ZNF521: variants seen among roughly 807,000 people sequenced by gnomAD.
ZNF521 encodes LYST-interacting protein 3.
ZNF521 carries 14 observed loss-of-function variants against 105.5 expected under a neutral mutation model. That is an observed-to-expected ratio of 0.13 (90% CI 0.09 to 0.21). ZNF521 has a LOEUF of 0.21. Among genes scored for constraint, ZNF521 ranks in the 10% least tolerant of loss-of-function variants. ZNF521 has a pLI of 1.00. For synonymous variants in ZNF521, 635 were observed against 606.0 expected, an observed-to-expected ratio of 1.05 and a Z score of -0.70; for missense variants, 1,233 against 1,629.7, an observed-to-expected ratio of 0.76 and a Z score of 4.19.
intron 5 of ZNF521, among the ~76,000 whole-genome samples, chr18:25,184,987 G>A (rs956123443): frequency 2.0e-5 from 3 of 152,228 alleles, no homozygotes; most frequent in Admixed American, 1.3e-4. Context: ...CCAGGGGCGG[G>A]AAACAGGCTA....
chr18:25,205,726 T>C (rs992268378), intron 4 of ZNF521, among the ~76,000 whole-genome samples: 1 of 152,178 alleles, frequency 6.6e-6, no homozygotes, highest in Non-Finnish European at 1.5e-5. Flanking sequence ...AATAAAGTAT[T>C]TTAGAATCCA....
At chr18:25,122,364 A>G (rs544837939) in intron 5 of ZNF521, among the ~76,000 whole-genome samples, 2 of 152,338 alleles carry the variant, frequency 1.3e-5, no homozygotes, top group East Asian at 3.9e-4. Context: ...AAATATCTGA[A>G]AAATAGGTAA....
chr18:25,322,268 A>C (rs1404361123), intron 2 of ZNF521, 81 bp from the exon 3 acceptor site: 1 of 1,389,494 alleles, frequency 7.2e-7, no homozygotes, highest in African/African-American at 1.4e-5. Flanking sequence ...GCTACCAAAA[A>C]CAGAAACACC....
At chr18:25,289,785 G>A (rs562973300) in intron 3 of ZNF521, among the ~76,000 whole-genome samples, 3 of 152,188 alleles carry the variant, frequency 2.0e-5, no homozygotes, top group African/African-American at 7.2e-5. Flanking sequence ...AAATTGGGGG[G>A]AAAATTATTT....
At chr18:25,094,838 G>T (rs1450018359) in intron 5 of ZNF521, among the ~76,000 whole-genome samples, 2 of 151,968 alleles carry the variant, frequency 1.3e-5, no homozygotes, top group Non-Finnish European at 2.9e-5. Context: ...AAGGTCAAAT[G>T]TATAATGAGA....
intron 5 of ZNF521, among the ~76,000 whole-genome samples, chr18:25,182,219 G>C (rs188126661): frequency 6.6e-6 from 1 of 152,118 alleles, no homozygotes; most frequent in East Asian, 1.9e-4. Context: ...CAGCAAGCAG[G>C]AGGCAACCCC....
At chr18:25,144,626 C>G (rs529619551) in intron 5 of ZNF521, among the ~76,000 whole-genome samples, 2 of 151,830 alleles carry the variant, frequency 1.3e-5, no homozygotes, top group Non-Finnish European at 2.9e-5. Context: ...AGAACAAACC[C>G]AGGTAAGAAA....
At chr18:25,324,398 CAA>C (rs34574068) in intron 2 of ZNF521, among the ~76,000 whole-genome samples, 2,353 of 116,400 alleles carry the variant, frequency 0.02, 63 homozygotes, top group African/African-American at 0.07. Context: ...GCAACAGATG[CAA>C]AAAAAAAAAA....
At position 25,225,258 on chromosome 18, in the gene ZNF521, C is replaced by T. The variant is rs1255492555; in HGVS notation, c.2660G>A (p.Gly887Asp). ...GTAGGCTGCCCCACAAATGTCGCAG[C>T]CGTACATAGGCTCAGAGGTGTCAAC... ...EDVDTSEPMY[G>D]CDICGAAYTM... is the part of the protein sequence containing the mutation. Residue 887 changes from glycine to aspartate, a missense_variant, in exon 4 of 8, where the codon GGC becomes GAC. Transcript: ENST00000361524. This position sits in a 1 kb window ranked among gnomAD's most constrained non-coding sequence, Gnocchi z 5.6. The T allele has an allele frequency of 1.2e-6, 2 of 1,614,108 alleles. No homozygotes were observed. Among genetic ancestry groups the T allele is most frequent in the Non-Finnish European group, 1.7e-6 (2 of 1,180,018 alleles).
At chr18:25,301,759 G>A (rs1055709706) in intron 3 of ZNF521, among the ~76,000 whole-genome samples, 1 of 152,160 alleles carries the variant, frequency 6.6e-6, no homozygotes, top group East Asian at 1.9e-4. Flanking sequence ...AAGATGGAGT[G>A]GGGGGTAAGG....
intron 2 of ZNF521, among the ~76,000 whole-genome samples, chr18:25,334,369 T>G (rs765034778): frequency 6.6e-6 from 1 of 152,184 alleles, no homozygotes; most frequent in African/African-American, 2.4e-5. Flanking sequence ...GAGTCTTGGC[T>G]TCTTCATTTG....
Position 25,350,968 on chromosome 18 carries a change from T to C in ZNF521, c.-1-21A>G, listed in dbSNP as rs1308581141. 8 of 1,544,234 alleles carry C rather than the reference T, an allele frequency of 5.2e-6. No homozygotes were observed. The East Asian group carries it at 1.0e-4, about 19-fold the overall frequency. ...ACATCCTAAAAGCAAACAGCTGAAGTTGTTTCAATTCAGCCCTGAAAGAAA... is the reference window on the plus strand; with the variant it reads ...ACATCCTAAAAGCAAACAGCTGAAGCTGTTTCAATTCAGCCCTGAAAGAAA... On this transcript the variant is annotated intron_variant, in intron 1 of 7. Transcript: ENST00000361524.
rs553485009 is a variant in ZNF521, at chr18:25,328,555, A to AT, written c.41-6369dup. ...CCTCCTTTATCTTATTTTTTTATTAATTTTTTTTTTTTTTTGAGACGGAGT... is the reference window on the plus strand; with the variant it reads ...CCTCCTTTATCTTATTTTTTTATTAATTTTTTTTTTTTTTTTGAGACGGAGT... On this transcript the variant is annotated intron_variant, in intron 2 of 7. Transcript: ENST00000361524. Among the ~76,000 whole-genome samples, 659 of 140,732 alleles carry AT rather than the reference A, an allele frequency of 4.7e-3. 1 individual carries two copies. The highest frequency in any genetic ancestry group is 9.3e-3 in the South Asian group (41 of 4,400). 92.3% of individuals were successfully genotyped at this position (140,732 alleles called of 152,430 possible).
intron 5 of ZNF521, among the ~76,000 whole-genome samples, chr18:25,139,176 C>T (rs867840275): frequency 2.6e-5 from 4 of 151,708 alleles, no homozygotes; most frequent in Admixed American, 2.6e-4. Context: ...CAAGACCAGC[C>T]TGGCCAACAT....
intron 2 of ZNF521, among the ~76,000 whole-genome samples, chr18:25,326,060 T>G (rs1460839846): frequency 6.6e-6 from 1 of 152,160 alleles, no homozygotes; most frequent in East Asian, 1.9e-4. Context: ...GGGATCAGTT[T>G]AAGGCCAACC....
At chr18:25,192,618 A>C (rs904853796) in intron 5 of ZNF521, among the ~76,000 whole-genome samples, 1 of 152,022 alleles carries the variant, frequency 6.6e-6, no homozygotes, top group African/African-American at 2.4e-5. Context: ...AAAAGGAGTA[A>C]GAGGCTTTTC....
chr18:25,157,140 G>A (rs868437142), intron 5 of ZNF521, among the ~76,000 whole-genome samples: 24 of 152,246 alleles, frequency 1.6e-4, no homozygotes, highest in African/African-American at 5.1e-4. Context: ...GGAGTTTGCA[G>A]TGAGCCGAGA....
intron 5 of ZNF521, among the ~76,000 whole-genome samples, chr18:25,151,040 T>G (rs1351927710): frequency 6.6e-6 from 1 of 151,916 alleles, no homozygotes; most frequent in East Asian, 1.9e-4. Flanking sequence ...TCCTTCTGCC[T>G]TGGCCTCCCA....
At chr18:25,230,568 G>C (rs957082735) in intron 3 of ZNF521, among the ~76,000 whole-genome samples, 1 of 151,462 alleles carries the variant, frequency 6.6e-6, no homozygotes, top group African/African-American at 2.4e-5. Flanking sequence ...AGGTTTAAAC[G>C]ATGTCAATTT....
Sources: allele counts gnomAD v4.1 joint callset (sites outside exome capture counted in the v4.1 genomes callset), GRCh38; gene constraint gnomAD v4.1.1; non-coding constraint Gnocchi (gnomAD v3.1); transcripts MANE v1.5; gene names NCBI Gene and HGNC (gene_info 2026-07-23, HGNC 2026-07-21).